The following LMBRD1 variants were observed in gnomAD, a reference collection of about 807,000 sequenced individuals.
LMBRD1 encodes the protein lysosomal cobalamin transport escort protein LMBD1.
Under a neutral mutation model 74.8 loss-of-function variants are expected in LMBRD1, and 64 were observed. The observed-to-expected ratio is 0.86, with a 90% CI of 0.70 to 1.05. The LOEUF is 1.05. Ranked by LOEUF, LMBRD1 falls within the 50% of genes least tolerant of loss-of-function variation. The pLI, the probability that LMBRD1 is intolerant of heterozygous loss-of-function variation, is 0.00. For missense variants in LMBRD1, 652 were observed against 645.9 expected, an observed-to-expected ratio of 1.01 and a Z score of -0.10; for synonymous variants, 204 against 216.3, an observed-to-expected ratio of 0.94 and a Z score of 0.50.
chr6:69,725,374 CACAA>C (rs1429602064), intron 7 of LMBRD1, among the ~76,000 whole-genome samples: 6 of 128,806 alleles, frequency 4.7e-5, no homozygotes, highest in South Asian at 5.1e-4. Context: ...CACACACACA[CACAA>C]AACACACACC....
intron 3 of LMBRD1, among the ~76,000 whole-genome samples, chr6:69,777,893 A>C (rs1347067969): frequency 3.3e-5 from 5 of 152,342 alleles, no homozygotes; most frequent in South Asian, 4.1e-4. Context: ...AAAATCCAGG[A>C]GAAGACAAAT....
Position 69,697,559 on chromosome 6 carries a change from T to TAGAAA in LMBRD1, c.1417+3_1417+4insTTTCT. 6.3e-7 allele frequency: 1 copy of TAGAAA among 1,589,622 alleles called. No individual in the cohort carries two copies. Among genetic ancestry groups the TAGAAA allele is most frequent in the East Asian group, 2.2e-5 (1 of 44,618 alleles). On this transcript the variant is annotated splice_donor_region_variant and intron_variant, in intron 14 of 15. Transcript: ENST00000649934. ...TTGTAAGTTCTAAAACAAGCTGTTTTTACCTTCAGGAGCATCTGCATCACA... is the reference window on the plus strand; with the variant it reads ...TTGTAAGTTCTAAAACAAGCTGTTTTAGAAATACCTTCAGGAGCATCTGCATCACA...
intron 3 of LMBRD1, among the ~76,000 whole-genome samples, chr6:69,761,031 T>C (rs1049166522): frequency 5.9e-5 from 9 of 152,198 alleles, no homozygotes; most frequent in African/African-American, 2.2e-4. Context: ...TCTGGATTCC[T>C]CACCCAAAGA....
intron 14 of LMBRD1, among the ~76,000 whole-genome samples, chr6:69,677,814 A>G (rs1172274941): frequency 6.6e-6 from 1 of 152,116 alleles, no homozygotes; most frequent in East Asian, 1.9e-4. Context: ...ATGTAATTAA[A>G]AATAAATCAT....
chr6:69,768,807 C>A (rs1765521454), intron 3 of LMBRD1, among the ~76,000 whole-genome samples: 1 of 151,908 alleles, frequency 6.6e-6, no homozygotes, highest in Non-Finnish European at 1.5e-5. Flanking sequence ...TGTCCTATTC[C>A]ACCTTCATTT....
intron 5 of LMBRD1, chr6:69,746,084 T>G: frequency 4.9e-6 from 1 of 205,712 alleles, no homozygotes; most frequent in Non-Finnish European, 1.0e-5. Flanking sequence ...TCATTGGAAA[T>G]CCCATCACCC....
rs1393198889 is a variant in LMBRD1, at chr6:69,676,079, T to C, written c.*79A>G. On this transcript the variant is annotated 3_prime_UTR_variant, in exon 16 of 16. Transcript: ENST00000649934. ...TTTTTGATGAAAGCTAGTTAGCAAATCCTAATGTTAGTTTAATACTTTAAA... is the reference window on the plus strand; with the variant it reads ...TTTTTGATGAAAGCTAGTTAGCAAACCCTAATGTTAGTTTAATACTTTAAA... 9 of 1,153,180 alleles carry C rather than the reference T, an allele frequency of 7.8e-6. No individual in the cohort carries two copies. The East Asian group carries it at 9.8e-5, about 13-fold the overall frequency. 71.4% of individuals were successfully genotyped at this position (1,153,180 alleles called of 1,614,324 possible).
chr6:69,714,141 C>A (rs1216731710), intron 8 of LMBRD1, among the ~76,000 whole-genome samples: 1 of 152,024 alleles, frequency 6.6e-6, no homozygotes, highest in African/African-American at 2.4e-5. Flanking sequence ...TCTCCCTCCT[C>A]TCCAAACTCA....
intron 2 of LMBRD1, among the ~76,000 whole-genome samples, chr6:69,786,045 A>T (rs2149895757): frequency 6.6e-6 from 1 of 152,256 alleles, no homozygotes; most frequent in African/African-American, 2.4e-5. Context: ...CTCTCATATC[A>T]ATCTATTTCC....
At chr6:69,724,939 G>T (rs573011389) in intron 7 of LMBRD1, among the ~76,000 whole-genome samples, 7 of 152,098 alleles carry the variant, frequency 4.6e-5, no homozygotes, top group African/African-American at 1.7e-4. Flanking sequence ...TGTTTGCAAT[G>T]ATATAATTTT....
intron 3 of LMBRD1, among the ~76,000 whole-genome samples, chr6:69,777,408 G>A (rs895772094): frequency 2.8e-5 from 4 of 144,438 alleles, no homozygotes; most frequent in African/African-American, 1.0e-4. Context: ...AGCCGAGACT[G>A]CACTTCAGCC....
In LMBRD1 at chr6:69,758,157, T is replaced by C. The variant is rs1344763614; in HGVS notation, c.308-5801A>G. On this transcript the variant is annotated intron_variant, in intron 3 of 15. Transcript: ENST00000649934. Reference sequence around the variant, plus strand: ...ATTATAACTCACATGAAAATTAACTTGGATACATTAGACTTTTAAATTGTT... The same window carrying C: ...ATTATAACTCACATGAAAATTAACTCGGATACATTAGACTTTTAAATTGTT... 2.6e-5 allele frequency among the ~76,000 whole-genome samples: 4 copies of C among 152,186 alleles called. No individual in the cohort carries two copies. In the East Asian group the frequency reaches 7.7e-4, roughly 29 times the overall value.
intron 2 of LMBRD1, among the ~76,000 whole-genome samples, chr6:69,789,212 A>C (rs1902654): frequency 0.33 from 50,912 of 152,060 alleles, 9,650 homozygotes; most frequent in East Asian, 0.54. Context: ...CCTAACTACA[A>C]AAATATTTTC....
At chr6:69,768,216 C>G (rs923569050) in intron 3 of LMBRD1, among the ~76,000 whole-genome samples, 3 of 151,810 alleles carry the variant, frequency 2.0e-5, no homozygotes, top group African/African-American at 7.2e-5. Flanking sequence ...TTACATTTGC[C>G]ATTTTATACT....
intron 14 of LMBRD1, among the ~76,000 whole-genome samples, chr6:69,689,319 A>T (rs1177302500): frequency 6.6e-6 from 1 of 152,132 alleles, no homozygotes; most frequent in East Asian, 1.9e-4. Flanking sequence ...TAGCTTATAT[A>T]CTGTCAACTC....
At chr6:69,772,806 G>C (rs145999699) in intron 3 of LMBRD1, among the ~76,000 whole-genome samples, 1 of 152,262 alleles carries the variant, frequency 6.6e-6, no homozygotes, top group African/African-American at 2.4e-5. Flanking sequence ...CAAAACAATA[G>C]TGTCAAGAAA....
chr6:69,780,638 ATC>A, intron 2 of LMBRD1, 84 bp from the exon 3 acceptor site: 1 of 950,410 alleles, frequency 1.1e-6, no homozygotes, highest in Non-Finnish European at 1.7e-6. Flanking sequence ...ACGACTGAAT[ATC>A]ACTTCCAAAA....
rs146851635 is a variant in LMBRD1 at position 69,791,986 on chromosome 6, T to C, written c.70-1514A>G. 2.7e-3 allele frequency among the ~76,000 whole-genome samples: 409 copies of C among 152,324 alleles called. 2 individuals carry two copies. The highest frequency in any genetic ancestry group is 9.1e-3 in the African/African-American group (377 of 41,564). On this transcript the variant is annotated intron_variant, in intron 1 of 15. Transcript: ENST00000649934. Reference sequence around the variant, plus strand: ...GGACCTCATTATATGCTCATTAACATGCTCAATCACACACCTACCAGCACC... The same window carrying C: ...GGACCTCATTATATGCTCATTAACACGCTCAATCACACACCTACCAGCACC...
chr6:69,745,549 C>T (rs543814090), intron 5 of LMBRD1, among the ~76,000 whole-genome samples: 128 of 152,078 alleles, frequency 8.4e-4, no homozygotes, highest in African/African-American at 3.0e-3. Context: ...TGAGCCACCG[C>T]GCCCGGCCAA....
Sources: allele counts gnomAD v4.1 joint callset (sites outside exome capture counted in the v4.1 genomes callset), GRCh38; gene constraint gnomAD v4.1.1; transcripts MANE v1.5; gene names NCBI Gene and HGNC (gene_info 2026-07-23, HGNC 2026-07-21).